Variants in ATF6 observed in about 807,000 individuals in gnomAD.
ATF6 encodes the protein cyclic AMP-dependent transcription factor ATF-6 alpha.
Under a neutral mutation model 83.6 loss-of-function variants are expected in ATF6, and 53 were observed. The ratio of observed to expected loss-of-function variants is 0.63; its 90% CI spans 0.51 to 0.80. ATF6 has a LOEUF of 0.80. Among genes scored for constraint, ATF6 ranks in the 30% least tolerant of loss-of-function variants. The probability of loss-of-function intolerance (pLI) is 0.00; values close to 1 mark genes in which losing one functional copy is unlikely to be tolerated. For synonymous variants in ATF6, 288 were observed against 285.8 expected (o/e 1.01, Z -0.08); for missense variants, 744 against 797.9 (o/e 0.93, Z 0.81).
At chr1:161,845,672 G>A (rs1438679599) in intron 9 of ATF6, among the ~76,000 whole-genome samples, 3 of 151,686 alleles carry the variant, frequency 2.0e-5, no homozygotes, top group African/African-American at 7.3e-5. Flanking sequence ...CTACTCAGAG[G>A]GGCTGAGGTG....
At chr1:161,938,598 C>A (rs927329641) in intron 15 of ATF6, among the ~76,000 whole-genome samples, 31 of 152,244 alleles carry the variant, frequency 2.0e-4, no homozygotes, top group Non-Finnish European at 3.4e-4. Flanking sequence ...CACACTGTAA[C>A]AATTATTTTT....
intron 14 of ATF6, chr1:161,892,317 AG>A (rs1687572632): frequency 6.6e-6 from 1 of 152,256 alleles, no homozygotes; most frequent in South Asian, 2.1e-4. Context: ...AAGAAAAGTA[AG>A]CAAAGAGTAA....
intron 9 of ATF6, among the ~76,000 whole-genome samples, chr1:161,827,275 G>A (rs1043698442): frequency 3.9e-5 from 6 of 152,070 alleles, no homozygotes; most frequent in African/African-American, 1.2e-4. Flanking sequence ...TCTCTGGTCC[G>A]GGAGTCTGCC....
intron 2 of ATF6, among the ~76,000 whole-genome samples, chr1:161,781,431 A>G (rs6669438): frequency 0.13 from 19,969 of 152,058 alleles, 1,803 homozygotes; most frequent in East Asian, 0.31. Flanking sequence ...AGAACAGTAG[A>G]AAAAAAAGAA....
At chr1:161,897,909 T>C (rs1687708745) in intron 14 of ATF6, among the ~76,000 whole-genome samples, 1 of 152,212 alleles carries the variant, frequency 6.6e-6, no homozygotes. Flanking sequence ...GTGGCTTGCT[T>C]ATATGCCTCA....
chr1:161,811,669 C>CCCATCCATCCATCCATCCACTATCCAT (rs1685461167), intron 7 of ATF6, among the ~76,000 whole-genome samples: 9 of 151,800 alleles, frequency 5.9e-5, no homozygotes, highest in African/African-American at 9.7e-5. Context: ...TACCTACCTA[C>CCCATCCATCCATCCATCCACTATCCAT]CCATCCATCC....
chr1:161,805,646 A>C (rs998942616), intron 7 of ATF6, among the ~76,000 whole-genome samples: 10 of 152,160 alleles, frequency 6.6e-5, no homozygotes, highest in Non-Finnish European at 1.2e-4. Context: ...CTGTGTTAGT[A>C]ACTTGGTTGA....
chr1:161,827,731 A>G (rs80318381), intron 9 of ATF6, among the ~76,000 whole-genome samples: 3,812 of 152,292 alleles, frequency 0.025, 70 homozygotes, highest in Middle Eastern at 0.041. Context: ...GATGAAATAT[A>G]AATATATCTA....
intron 15 of ATF6, among the ~76,000 whole-genome samples, chr1:161,957,341 C>T (rs1688988752): frequency 6.6e-6 from 1 of 152,134 alleles, no homozygotes; most frequent in Non-Finnish European, 1.5e-5. Context: ...AGCCCCACAC[C>T]CCGCTCTGGA....
At chr1:161,842,762 T>A (rs549376102) in intron 9 of ATF6, among the ~76,000 whole-genome samples, 131 of 152,282 alleles carry the variant, frequency 8.6e-4, no homozygotes, top group African/African-American at 2.0e-3. Flanking sequence ...TAAAAAATTT[T>A]AAAAAAAGAT....
At chr1:161,854,075 T>C (rs1686703157) in intron 12 of ATF6, among the ~76,000 whole-genome samples, 1 of 152,102 alleles carries the variant, frequency 6.6e-6, no homozygotes, top group African/African-American at 2.4e-5. Context: ...CAAAGCAGCA[T>C]AGGAGGTTAG....
chr1:161,904,874 C>G (rs1161747039), intron 14 of ATF6, among the ~76,000 whole-genome samples: 1 of 152,122 alleles, frequency 6.6e-6, no homozygotes, highest in Non-Finnish European at 1.5e-5. Flanking sequence ...AACCCAAGAT[C>G]CTGAGAGAAA....
chr1:161,929,328 A>T (rs1281762653), intron 15 of ATF6, among the ~76,000 whole-genome samples: 1 of 152,196 alleles, frequency 6.6e-6, no homozygotes, highest in African/African-American at 2.4e-5. Context: ...CATAGCTTAC[A>T]TCAGTGATAG....
intron 15 of ATF6, among the ~76,000 whole-genome samples, chr1:161,927,683 C>G (rs1004940414): frequency 1.1e-4 from 16 of 152,144 alleles, no homozygotes; most frequent in Non-Finnish European, 2.1e-4. Flanking sequence ...TGCCACATCC[C>G]TTGCATTTTT....
rs1176562548 is a variant in ATF6, at chr1:161,802,158, C to G, written c.795C>G (p.Leu265=). 4 of 1,614,086 alleles carry G rather than the reference C, an allele frequency of 2.5e-6. 1 individual carries two copies. In the Admixed American group the frequency reaches 6.7e-5, roughly 27 times the overall value. The part of the protein sequence containing the change: ...VLAVAGGVTQ[L]PNHVVNVVPA... Reference sequence around the variant, plus strand: ...CTGTTGCTGGGGGAGTCACACAGCTCCCTAATCACGTGGTGAATGTGGTAC... The same window carrying G: ...CTGTTGCTGGGGGAGTCACACAGCTGCCTAATCACGTGGTGAATGTGGTAC... Residue 265 remains leucine (L), a synonymous_variant, in exon 7 of 16, where the codon CTC becomes CTG. Transcript: ENST00000367942.
intron 15 of ATF6, among the ~76,000 whole-genome samples, chr1:161,917,484 G>A (rs961557607): frequency 4.0e-5 from 6 of 151,198 alleles, no homozygotes; most frequent in African/African-American, 1.2e-4. Context: ...GCAGTGGTGC[G>A]ATCTCAGCTC....
chr1:161,767,005 C>CCA (rs1684281166), intron 1 of ATF6, among the ~76,000 whole-genome samples: 1 of 152,154 alleles, frequency 6.6e-6, no homozygotes, highest in Non-Finnish European at 1.5e-5. Flanking sequence ...CCTGACTGCT[C>CCA]TCCAGATACA....
chr1:161,925,881 A>G (rs1688301664), intron 15 of ATF6, among the ~76,000 whole-genome samples: 1 of 152,192 alleles, frequency 6.6e-6, no homozygotes, highest in African/African-American at 2.4e-5. Context: ...AGCATAGGGA[A>G]CAGTATAAGT....
intron 6 of ATF6, among the ~76,000 whole-genome samples, chr1:161,795,704 A>T (rs1472635224): frequency 2.0e-5 from 3 of 152,220 alleles, no homozygotes; most frequent in Admixed American, 6.5e-5. Flanking sequence ...GCTAAAATGG[A>T]TAAACAGCCT....
Sources: allele counts gnomAD v4.1 joint callset (sites outside exome capture counted in the v4.1 genomes callset), GRCh38; gene constraint gnomAD v4.1.1; transcripts MANE v1.5; gene names NCBI Gene and HGNC (gene_info 2026-07-23, HGNC 2026-07-21).